Variants in TMEM74 observed in about 807,000 individuals in gnomAD.
TMEM74 encodes transmembrane protein 74.
A neutral mutation model predicts 18.1 loss-of-function variants in TMEM74; 13 were observed. The ratio of observed to expected loss-of-function variants is 0.72; its 90% confidence interval spans 0.47 to 1.14. TMEM74 has a LOEUF of 1.14. TMEM74 is among the 50% of genes most tolerant of loss of function. The pLI, the probability that TMEM74 is intolerant of heterozygous loss-of-function variation, is 0.00. For missense variants in TMEM74, 372 were observed against 375.9 expected, an observed-to-expected ratio of 0.99 and a Z score of 0.09; for synonymous variants, 159 against 146.6, an observed-to-expected ratio of 1.08 and a Z score of -0.61.
intron 1 of TMEM74, 66 bp from the exon 2 acceptor site, chr8:108,785,203 G>GCAACA: frequency 7.3e-6 from 9 of 1,231,688 alleles, no homozygotes; most frequent in East Asian, 2.5e-5. Context: ...CAGGAGTGTT[G>GCAACA]CTCCTGGGGT....
At position 108,784,296 on chromosome 8, in the gene TMEM74, G is replaced by C. The variant is rs1461665809; in HGVS notation, c.803C>G (p.Ser268Cys). 1.2e-6 allele frequency: 2 copies of C among 1,614,074 alleles called. No homozygotes were observed. Among genetic ancestry groups the C allele is most frequent in the Admixed American group, 3.3e-5 (2 of 60,000 alleles). Residue 268 changes from serine (S) to cysteine (C), a missense_variant, in exon 2 of 2, where the codon TCC becomes TGC. Ser to Cys is a moderately radical substitution (Grantham distance 112, BLOSUM62 -1). Coordinates refer to ENST00000297459, the MANE Select transcript of TMEM74 (RefSeq NM_153015.3). ...ACCATAGAGTTTTGCAGACTCTTTG[G>C]AAGAGGCAAATCTGTTTCGACGATA... ...ELYRRNRFAS[S>C]KESAKLYGSF...
intron 2 of TMEM74, among the ~76,000 whole-genome samples, chr8:108,623,467 T>A (rs968220617): frequency 5.3e-5 from 8 of 152,092 alleles, no homozygotes; most frequent in African/African-American, 1.9e-4. Context: ...GTATTTCTCT[T>A]AGGTGCAGAT....
intron 1 of TMEM74, among the ~76,000 whole-genome samples, chr8:108,704,567 A>G (rs141777890): frequency 6.6e-6 from 1 of 151,974 alleles, no homozygotes; most frequent in East Asian, 1.9e-4. Flanking sequence ...CTTATCTTCC[A>G]CTCATTCATT....
At chr8:108,699,176 CCTT>C (rs1813310984) in intron 1 of TMEM74, among the ~76,000 whole-genome samples, 4 of 92,962 alleles carry the variant, frequency 4.3e-5, no homozygotes, top group African/African-American at 2.0e-4. Flanking sequence ...TTCCTTCCTT[CCTT>C]CCTTCCTCCC....
chr8:108,632,398 C>T (rs527992889), intron 2 of TMEM74, among the ~76,000 whole-genome samples: 7 of 151,898 alleles, frequency 4.6e-5, no homozygotes, highest in Non-Finnish European at 8.8e-5. Context: ...ATAATTTGTA[C>T]TCTATTTTCT....
At chr8:108,677,519 G>A (rs1326662328) in intron 1 of TMEM74, among the ~76,000 whole-genome samples, 1 of 150,544 alleles carries the variant, frequency 6.6e-6, no homozygotes, top group East Asian at 1.9e-4. Context: ...GCTGAAGTCA[G>A]TTTCAAAACG....
At chr8:108,756,650 G>GAAAGAGAAAGAAAGAAAGAA (rs1283223577) in intron 1 of TMEM74, among the ~76,000 whole-genome samples, 1 of 27,114 alleles carries the variant, frequency 3.7e-5, no homozygotes, top group Non-Finnish European at 6.8e-5. Flanking sequence ...AAGAAAGAAA[G>GAAAGAGAAAGAAAGAAAGAA]AGAAAGAAAG....
At chr8:108,662,065 A>G (rs528662597) in intron 1 of TMEM74, among the ~76,000 whole-genome samples, 1 of 152,292 alleles carries the variant, frequency 6.6e-6, no homozygotes, top group South Asian at 2.1e-4. Flanking sequence ...GGAAAATGAA[A>G]GCAGCTGAAG....
At chr8:108,610,346 T>C (rs1427463512) in intron 2 of TMEM74, among the ~76,000 whole-genome samples, 4 of 152,204 alleles carry the variant, frequency 2.6e-5, no homozygotes, top group Non-Finnish European at 4.4e-5. Flanking sequence ...CCTCCAGAAA[T>C]GCATCTGTTC....
intron 1 of TMEM74, among the ~76,000 whole-genome samples, chr8:108,697,336 T>C (rs1034381926): frequency 6.6e-6 from 1 of 152,204 alleles, no homozygotes; most frequent in African/African-American, 2.4e-5. Context: ...TTTTAACTTA[T>C]GCTAGTTATG....
chr8:108,678,458 G>A (rs1586257476), intron 1 of TMEM74, among the ~76,000 whole-genome samples: 1 of 151,820 alleles, frequency 6.6e-6, no homozygotes, highest in Admixed American at 6.6e-5. Flanking sequence ...TCTGCCTCCT[G>A]GGTTCAGGCA....
intron 1 of TMEM74, among the ~76,000 whole-genome samples, chr8:108,750,815 G>C (rs1416448334): frequency 6.6e-6 from 1 of 152,122 alleles, no homozygotes; most frequent in Non-Finnish European, 1.5e-5. Context: ...GAAGGGGGCT[G>C]CCTATAAAGT....
chr8:108,626,342 G>A (rs190522937), intron 2 of TMEM74, among the ~76,000 whole-genome samples: 78 of 152,040 alleles, frequency 5.1e-4, no homozygotes, highest in African/African-American at 1.3e-3. Context: ...ATGATATTAT[G>A]CACCTCTTAA....
Position 108,781,849 on chromosome 8 carries a change from C to T in TMEM74, c.*2332G>A, listed in dbSNP as rs1318152274. On this transcript the variant is annotated 3_prime_UTR_variant, in exon 2 of 2. Coordinates refer to ENST00000297459, the MANE Select transcript of TMEM74 (RefSeq NM_153015.3). ...AGATCAAATCTATATTATTTGGTAG[C>T]CCTGCAAGATTCATTAAATGCTTCC... Among the ~76,000 whole-genome samples, 1 of 152,062 alleles carries T rather than the reference C, an allele frequency of 6.6e-6. No individual in the cohort carries two copies. The highest frequency in any genetic ancestry group is 6.6e-5 in the Admixed American group (1 of 15,264).
At chr8:108,735,473 G>A (rs1272864222) in intron 1 of TMEM74, among the ~76,000 whole-genome samples, 1 of 152,050 alleles carries the variant, frequency 6.6e-6, no homozygotes, top group Non-Finnish European at 1.5e-5. Context: ...TACAGTTTTT[G>A]TGACTTGCTT....
intron 3 of TMEM74, chr8:108,607,837 C>G (rs1368243881): frequency 6.6e-6 from 1 of 152,038 alleles, no homozygotes; most frequent in Non-Finnish European, 1.5e-5. Flanking sequence ...GTTTAAAATG[C>G]TTTGTATGCT....
downstream of TMEM74, among the ~76,000 whole-genome samples, chr8:108,774,521 T>A (rs1814207034): frequency 6.6e-6 from 1 of 152,142 alleles, no homozygotes; most frequent in Admixed American, 6.5e-5. Flanking sequence ...GCCACCAGAT[T>A]GAGAAGTTAA....
intron 2 of TMEM74, among the ~76,000 whole-genome samples, chr8:108,620,748 G>A (rs1051090007): frequency 1.3e-5 from 2 of 151,958 alleles, no homozygotes; most frequent in South Asian, 4.1e-4. Flanking sequence ...TCAATTTTTG[G>A]AATCCTTGTC....
intron 1 of TMEM74, among the ~76,000 whole-genome samples, chr8:108,736,121 C>T (rs1451805368): frequency 6.6e-6 from 1 of 152,046 alleles, no homozygotes; most frequent in African/African-American, 2.4e-5. Flanking sequence ...ACTTTTGGCA[C>T]TGTTTGTCTC....
Sources: gnomAD v4.1 joint callset for allele counts (sites outside exome capture counted in the v4.1 genomes callset) on GRCh38, gnomAD v4.1.1 for gene constraint, MANE v1.5 for transcripts, NCBI Gene and HGNC (gene_info 2026-07-23, HGNC 2026-07-21) for gene names.